Variants in ANO4 observed in about 807,000 individuals in gnomAD.
ANO4 encodes the protein anoctamin-4.
In ANO4, 69 loss-of-function variants were observed where a neutral mutation model predicts 141.9. The ratio of observed to expected loss-of-function variants is 0.49; its 90% CI spans 0.40 to 0.59. The LOEUF (loss-of-function observed/expected upper bound fraction) is 0.59. Ranked by LOEUF, ANO4 falls within the 20% of genes least tolerant of loss-of-function variation. The probability of loss-of-function intolerance (pLI) is 0.00; values close to 1 mark genes in which losing one functional copy is unlikely to be tolerated. For synonymous variants in ANO4, 350 were observed against 394.3 expected (o/e 0.89, Z 1.33); for missense variants, 894 against 1,162.2 (o/e 0.77, Z 3.36).
chr12:100,941,456 C>CT (rs1375158527), intron 4 of ANO4, among the ~76,000 whole-genome samples: 13 of 152,004 alleles, frequency 8.6e-5, no homozygotes, highest in African/African-American at 2.2e-4. Context: ...CTGAGACTTG[C>CT]TTTTTTTATC....
intron 17 of ANO4, among the ~76,000 whole-genome samples, chr12:101,088,278 G>T (rs575296513): frequency 6.3e-4 from 96 of 152,164 alleles, no homozygotes; most frequent in Non-Finnish European, 1.1e-3. Context: ...GCATCGCTTA[G>T]TCCCTCACCT....
At chr12:101,104,666 TATATAA>T (rs199557582) in intron 22 of ANO4, among the ~76,000 whole-genome samples, 849 of 59,428 alleles carry the variant, frequency 0.014, 18 homozygotes, top group African/African-American at 0.06. Context: ...TATATATATA[TATATAA>T]ATAAAAAGAT....
At chr12:100,854,021 C>T (rs539089543) in intron 1 of ANO4, among the ~76,000 whole-genome samples, 6 of 152,168 alleles carry the variant, frequency 3.9e-5, no homozygotes, top group East Asian at 3.9e-4. Context: ...ATGTTCCTTC[C>T]GGATTCTGTC....
chr12:100,791,400 ACT>A (rs1263222487), upstream of ANO4, among the ~76,000 whole-genome samples: 1 of 152,134 alleles, frequency 6.6e-6, no homozygotes, highest in Non-Finnish European at 1.5e-5. Flanking sequence ...GCAGAGCGAG[ACT>A]CTGTCTCCAA....
intron 1 of ANO4, among the ~76,000 whole-genome samples, chr12:100,839,610 A>C (rs1473695469): frequency 2.0e-5 from 3 of 152,152 alleles, no homozygotes; most frequent in Admixed American, 2.0e-4. Context: ...GGCATTTTCA[A>C]ATAAATAAGG....
intron 2 of ANO4, among the ~76,000 whole-genome samples, chr12:100,912,392 C>CAAAAAA (rs35934592): frequency 3.3e-4 from 22 of 67,336 alleles, no homozygotes; most frequent in South Asian, 5.6e-4. Flanking sequence ...AGGACTCTGT[C>CAAAAAA]AAAAAAAAAA....
intron 14 of ANO4, among the ~76,000 whole-genome samples, chr12:101,050,855 C>T (rs1332590035): frequency 6.6e-6 from 1 of 152,096 alleles, no homozygotes; most frequent in Non-Finnish European, 1.5e-5. Flanking sequence ...TATTGTTATT[C>T]CTGGCATAGG....
intron 10 of ANO4, 48 bp from the exon 11 acceptor site, chr12:101,039,907 G>A: frequency 7.6e-6 from 12 of 1,568,748 alleles, no homozygotes; most frequent in Non-Finnish European, 1.0e-5. Context: ...GCATTTCCTT[G>A]TGACTTTTGT....
chr12:100,779,166 G>A (rs2033633854), intron 3 of ANO4, among the ~76,000 whole-genome samples: 1 of 152,212 alleles, frequency 6.6e-6, no homozygotes, highest in African/African-American at 2.4e-5. Flanking sequence ...GATCTGAGGT[G>A]GGGCTTAGTA....
intron 9 of ANO4, among the ~76,000 whole-genome samples, chr12:101,029,331 A>G (rs1039532965): frequency 1.3e-5 from 2 of 152,184 alleles, no homozygotes; most frequent in African/African-American, 4.8e-5. Context: ...ACACATAACA[A>G]TACTAACCTT....
chr12:100,846,991 A>G (rs2037601996), intron 1 of ANO4, among the ~76,000 whole-genome samples: 1 of 152,082 alleles, frequency 6.6e-6, no homozygotes, highest in Admixed American at 6.5e-5. Flanking sequence ...AACTTTTACA[A>G]AATCTTCAGG....
intron 1 of ANO4, among the ~76,000 whole-genome samples, chr12:100,873,170 A>T (rs548841500): frequency 6.6e-6 from 1 of 152,284 alleles, no homozygotes; most frequent in Non-Finnish European, 1.5e-5. Flanking sequence ...ACCTAGTCTC[A>T]GTTAGTTCTT....
At chr12:100,805,940 G>A (rs1329731984) in intron 1 of ANO4, among the ~76,000 whole-genome samples, 1 of 152,160 alleles carries the variant, frequency 6.6e-6, no homozygotes, top group Non-Finnish European at 1.5e-5. Flanking sequence ...TGATGTTGTG[G>A]CAGGAAAAGA....
chr12:100,726,401 C>T (rs1334818282), intron 1 of ANO4, among the ~76,000 whole-genome samples: 5 of 152,202 alleles, frequency 3.3e-5, no homozygotes, highest in African/African-American at 1.2e-4. Context: ...TTCCTGATTA[C>T]ACTTGTAATT....
chr12:100,942,249 G>A, intron 4 of ANO4, 128 bp from the exon 5 acceptor site: 1 of 1,039,476 alleles, frequency 9.6e-7, no homozygotes. Context: ...AAAGTGCTGG[G>A]ATTACAGGCA....
At chr12:101,079,567 C>A (rs1169952650) in intron 15 of ANO4, among the ~76,000 whole-genome samples, 2 of 151,782 alleles carry the variant, frequency 1.3e-5, no homozygotes, top group Non-Finnish European at 2.9e-5. Flanking sequence ...TCTTAAAAAT[C>A]ATCCTTTTTT....
At chr12:101,043,709 A>C in intron 13 of ANO4, 74 bp downstream of exon 13, 1 of 1,069,470 alleles carries the variant, frequency 9.4e-7, no homozygotes, top group South Asian at 1.3e-5. Context: ...GGGTAACTCT[A>C]TTCTGTCATT....
intron 26 of ANO4, among the ~76,000 whole-genome samples, chr12:101,125,063 G>C (rs574895515): frequency 2.0e-5 from 3 of 152,294 alleles, no homozygotes; most frequent in South Asian, 2.1e-4. Context: ...ACTTTGGGCA[G>C]ATGGCCGTTT....
intron 17 of ANO4, among the ~76,000 whole-genome samples, chr12:101,093,828 G>C (rs2049874456): frequency 6.6e-6 from 1 of 152,100 alleles, no homozygotes; most frequent in African/African-American, 2.4e-5. Context: ...CTGTAATCTA[G>C]AGTTTACAGC....
Sources: gnomAD v4.1 joint callset for allele counts (sites outside exome capture counted in the v4.1 genomes callset) on GRCh38, gnomAD v4.1.1 for gene constraint, MANE v1.5 for transcripts, NCBI Gene and HGNC (gene_info 2026-07-23, HGNC 2026-07-21) for gene names.